Variants in YTHDC2 observed in about 807,000 individuals in gnomAD.
YTHDC2 encodes 3'-5' RNA helicase YTHDC2.
A neutral mutation model predicts 174.9 loss-of-function variants in YTHDC2; 45 were observed. That is an observed-to-expected ratio of 0.26 (90% CI 0.20 to 0.33). The LOEUF (loss-of-function observed/expected upper bound fraction) is 0.33. Ranked by LOEUF, YTHDC2 falls within the 10% of genes least tolerant of loss-of-function variation. The pLI is 1.00. For synonymous variants in YTHDC2, 657 were observed against 574.5 expected, an observed-to-expected ratio of 1.14 and a Z score of -2.05; for missense variants, 1,650 against 1,723.7, an observed-to-expected ratio of 0.96 and a Z score of 0.76.
chr5:113,553,513 A>T, intron 13 of YTHDC2, 77 bp from the exon 14 acceptor site: 1 of 1,514,086 alleles, frequency 6.6e-7, no homozygotes, highest in Admixed American at 1.8e-5. Flanking sequence ...AAAACATGTG[A>T]TACAGATTTT....
At chr5:113,556,939 C>A (rs893230728) in intron 17 of YTHDC2, among the ~76,000 whole-genome samples, 3 of 152,118 alleles carry the variant, frequency 2.0e-5, no homozygotes, top group African/African-American at 7.2e-5. Context: ...CAGTGGCTTT[C>A]TGGGTAGCTG....
intron 2 of YTHDC2, among the ~76,000 whole-genome samples, chr5:113,518,467 A>T (rs1363522550): frequency 2.6e-5 from 4 of 151,956 alleles, no homozygotes; most frequent in Non-Finnish European, 1.5e-5. Context: ...CTCCCAAAGT[A>T]CTAAGATTAC....
Position 113,591,057 on chromosome 5 carries a change from C to T in YTHDC2, c.3842C>T (p.Ser1281Leu), listed in dbSNP as rs144091848. ...CTTTTATAGGGCTCAAAATCTCCTT[C>T]GCCAAGACCAAACATGCCTGTTCGA... is the stretch of plus-strand genomic sequence containing the variant. ...PSSGKGSKSP[S>L]PRPNMPVRYF... The change falls in exon 27 of 30, where the codon TCG becomes TTG. Residue 1281 changes from serine (S) to leucine (L), a missense_variant. By Grantham distance (145) the Ser-to-Leu change is moderately radical. This residue lies in a region of YTHDC2 where 913 missense variants were observed against 940.4 expected (regional missense o/e 0.97). Coordinates refer to ENST00000161863, the MANE Select transcript of YTHDC2 (RefSeq NM_022828.5). 4.0e-5 allele frequency: 65 copies of T among 1,613,522 alleles called. No homozygotes were observed. The highest frequency in any genetic ancestry group is 9.3e-5 in the African/African-American group (7 of 74,898).
intron 7 of YTHDC2, 112 bp from the exon 8 acceptor site, chr5:113,538,962 T>A (rs4345310): frequency 1.8e-6 from 1 of 543,638 alleles, no homozygotes; most frequent in Admixed American, 4.3e-5. Flanking sequence ...ACTTGAACTA[T>A]GAAATTGCTT....
chr5:113,545,663 G>T (rs879435571), intron 10 of YTHDC2, among the ~76,000 whole-genome samples: 3 of 151,662 alleles, frequency 2.0e-5, no homozygotes, highest in Non-Finnish European at 4.4e-5. Flanking sequence ...AAAGTGCTGG[G>T]ATTACAGACA....
intron 4 of YTHDC2, among the ~76,000 whole-genome samples, chr5:113,530,600 T>C (rs910323124): frequency 4.6e-5 from 7 of 152,196 alleles, no homozygotes; most frequent in East Asian, 1.9e-4. Context: ...ATTTCACTTA[T>C]ATGTAACCAT....
At chr5:113,533,493 G>T (rs35193208) in intron 5 of YTHDC2, among the ~76,000 whole-genome samples, 17,979 of 151,474 alleles carry the variant, frequency 0.12, 1,336 homozygotes, top group Non-Finnish European at 0.17. Flanking sequence ...AGGTTGTGGT[G>T]AGCTGAGATC....
At position 113,553,683 on chromosome 5, in the gene YTHDC2, A is replaced by G. The variant is rs74322600; in HGVS notation, c.1961A>G (p.His654Arg). The change falls in exon 14 of 30, where the codon CAT becomes CGT. Residue 654 changes from histidine to arginine, a missense_variant. Coordinates refer to ENST00000161863, the MANE Select transcript of YTHDC2 (RefSeq NM_022828.5). Reference protein sequence around the residue: ...FDDKRFADSTHRYQVFMLHSN... With the variant: ...FDDKRFADSTRRYQVFMLHSN... ...GACAAGCGGTTTGCTGACAGTACACATAGGTAAGGGCTAAAGCCTTATATC... is the reference window on the plus strand; with the variant it reads ...GACAAGCGGTTTGCTGACAGTACACGTAGGTAAGGGCTAAAGCCTTATATC... 1.9e-4 allele frequency: 301 copies of G among 1,613,492 alleles called. 1 individual carries two copies. The African/African-American group carries it at 3.6e-3, about 19-fold the overall frequency.
intron 4 of YTHDC2, among the ~76,000 whole-genome samples, chr5:113,528,137 G>A (rs1300942248): frequency 1.3e-5 from 2 of 152,022 alleles, no homozygotes; most frequent in African/African-American, 4.8e-5. Flanking sequence ...TAATAAATAG[G>A]TCTTTGTTTA....
At chr5:113,591,287 AGGTT>A in intron 27 of YTHDC2, 43 bp downstream of exon 27, 1 of 1,583,126 alleles carries the variant, frequency 6.3e-7, no homozygotes, top group South Asian at 1.1e-5. Context: ...TTCTGGCTAT[AGGTT>A]AAATCATAGA....
chr5:113,558,785 G>T (rs903782625), intron 17 of YTHDC2, among the ~76,000 whole-genome samples: 5 of 151,910 alleles, frequency 3.3e-5, no homozygotes, highest in African/African-American at 9.7e-5. Context: ...AGCCAGGTGT[G>T]GGGGTGGGCA....
At chr5:113,592,631 CAA>C (rs1779069471) in intron 28 of YTHDC2, 1 of 152,446 alleles carries the variant, frequency 6.6e-6, no homozygotes, top group African/African-American at 2.4e-5. Context: ...AAAATAGACT[CAA>C]AGATTAGTTT....
intron 28 of YTHDC2, 149 bp from the exon 29 acceptor site, chr5:113,593,154 A>G (rs1457330425): frequency 5.4e-6 from 3 of 560,636 alleles, no homozygotes; most frequent in Non-Finnish European, 9.4e-6. Flanking sequence ...AAAGAATTAG[A>G]ACAATTCATA....
intron 7 of YTHDC2, 57 bp from the exon 8 acceptor site, chr5:113,539,017 T>C (rs762130126): frequency 6.9e-6 from 6 of 872,930 alleles, no homozygotes; most frequent in Non-Finnish European, 1.0e-5. Flanking sequence ...TTTCATGTTT[T>C]TATGTGAATT....
At chr5:113,529,620 C>G (rs1218919943) in intron 4 of YTHDC2, among the ~76,000 whole-genome samples, 2 of 152,096 alleles carry the variant, frequency 1.3e-5, no homozygotes, top group Middle Eastern at 3.4e-3. Flanking sequence ...TTTGTTGATT[C>G]TTAGTTATCT....
chr5:113,523,739 T>G (rs986206659), intron 2 of YTHDC2, among the ~76,000 whole-genome samples: 1 of 152,132 alleles, frequency 6.6e-6, no homozygotes, highest in Non-Finnish European at 1.5e-5. Flanking sequence ...AAAACTTATA[T>G]GCTAAAACTG....
chr5:113,579,532 T>C (rs1580635391), intron 23 of YTHDC2, 54 bp from the exon 24 acceptor site: 1 of 1,317,444 alleles, frequency 7.6e-7, no homozygotes, highest in East Asian at 2.5e-5. Context: ...CTTAGTTTTT[T>C]GCCATAACGT....
chr5:113,566,716 T>C (rs1777355435), intron 21 of YTHDC2, among the ~76,000 whole-genome samples: 1 of 152,162 alleles, frequency 6.6e-6, no homozygotes, highest in Non-Finnish European at 1.5e-5. Context: ...TTAGTATCTA[T>C]CATAACCAAA....
chr5:113,554,730 C>A (rs1014486796), intron 16 of YTHDC2, among the ~76,000 whole-genome samples: 24 of 143,720 alleles, frequency 1.7e-4, no homozygotes, highest in African/African-American at 6.1e-4. Context: ...CAAAAACAGC[C>A]AACCTTTGTT....
Sources: allele counts gnomAD v4.1 joint callset (sites outside exome capture counted in the v4.1 genomes callset), GRCh38; gene constraint gnomAD v4.1.1; regional missense constraint gnomAD v4.1.1; transcripts MANE v1.5; gene names NCBI Gene and HGNC (gene_info 2026-07-23, HGNC 2026-07-21).